GADL1: variants seen among roughly 807,000 people sequenced by gnomAD.
GADL1 encodes the protein acidic amino acid decarboxylase GADL1.
In GADL1, 71 loss-of-function variants were observed where a neutral mutation model predicts 69.5. The observed-to-expected ratio is 1.02, with a 90% CI of 0.84 to 1.25. GADL1 has a LOEUF of 1.25. GADL1 is among the 50% of genes most tolerant of loss of function. GADL1 has a pLI of 0.00. For missense variants in GADL1, 737 were observed against 631.8 expected (o/e 1.17, Z -1.79); for synonymous variants, 254 against 214.4 (o/e 1.18, Z -1.62).
chr3:30,789,346 G>A (rs1409897126), intron 12 of GADL1, among the ~76,000 whole-genome samples: 1 of 152,180 alleles, frequency 6.6e-6, no homozygotes, highest in African/African-American at 2.4e-5. Context: ...TCAACAGTGG[G>A]CTTCAAATAT....
intron 11 of GADL1, among the ~76,000 whole-genome samples, chr3:30,824,076 A>T (rs1368412725): frequency 6.6e-6 from 1 of 151,884 alleles, no homozygotes; most frequent in Non-Finnish European, 1.5e-5. Context: ...AAACGTATCA[A>T]TCTACAGATT....
Position 30,786,659 on chromosome 3 carries a change from G to A in GADL1, c.1251-253C>T, listed in dbSNP as rs143365295. The stretch of plus-strand genomic sequence containing the variant: ...TAGCATCAGGCTTTAACCCTGGTGT[G>A]AAAAGCCAGATAAAGCAGGCTGGAT... On this transcript the variant is annotated intron_variant, in intron 12 of 14. Transcript: ENST00000282538. Among the ~76,000 whole-genome samples the A allele has an allele frequency of 7.9e-3, 1,199 of 152,322 alleles. 11 individuals are homozygous for A. Among genetic ancestry groups the A allele is most frequent in the African/African-American group, 0.028 (1,152 of 41,580 alleles).
At chr3:30,862,505 A>G (rs997020101) in intron 1 of GADL1, among the ~76,000 whole-genome samples, 4 of 152,042 alleles carry the variant, frequency 2.6e-5, no homozygotes, top group Non-Finnish European at 5.9e-5. Context: ...TTCCTTGTAC[A>G]AAGTCCTTTA....
Position 30,754,462 on chromosome 3 carries a change from A to T in GADL1, c.1392+23717T>A, listed in dbSNP as rs566201687. Among the ~76,000 whole-genome samples the T allele has an allele frequency of 4.6e-5, 7 of 151,326 alleles. No homozygotes were observed. The East Asian group carries it at 1.4e-3, about 30-fold the overall frequency. ...GGGATATAGAAAAAAGCCTCATAGG[A>T]ATGCCAATGACGGACTCTCGAATCT... On this transcript the variant is annotated intron_variant, in intron 14 of 14. Transcript: ENST00000282538.
chr3:30,730,506 CAGAT>C (rs1372536719), intron 14 of GADL1, among the ~76,000 whole-genome samples: 2 of 152,074 alleles, frequency 1.3e-5, no homozygotes, highest in African/African-American at 4.8e-5. Context: ...CTGCATAAGA[CAGAT>C]GATTCCTGAA....
chr3:30,892,815 T>A (rs529366725), intron 1 of GADL1, among the ~76,000 whole-genome samples: 1 of 152,206 alleles, frequency 6.6e-6, no homozygotes, highest in Non-Finnish European at 1.5e-5. Context: ...TCCTAAATAA[T>A]CTATACTTTT....
intron 12 of GADL1, chr3:30,800,357 T>A (rs1697134491): frequency 6.2e-6 from 1 of 160,126 alleles, no homozygotes; most frequent in Admixed American, 6.1e-5. Context: ...TCACTATCAG[T>A]GCAGTATGGG....
rs146754952 is a variant in GADL1 at position 30,886,133 on chromosome 3, T to C, written c.37+8445A>G. On this transcript the variant is annotated intron_variant, in intron 1 of 14. Coordinates refer to ENST00000282538, the MANE Select transcript of GADL1 (RefSeq NM_207359.3). Reference sequence around the variant, plus strand: ...TGAAAATTACTAATATTTGAACTAATTGGTAAATGACAACATCAATTTTTA... The same window carrying C: ...TGAAAATTACTAATATTTGAACTAACTGGTAAATGACAACATCAATTTTTA... Among the ~76,000 whole-genome samples, 25 of 152,282 alleles carry C rather than the reference T, an allele frequency of 1.6e-4. No individual in the cohort carries two copies. The East Asian group carries it at 3.7e-3, about 22-fold the overall frequency.
chr3:30,868,926 C>A (rs1361177697), intron 1 of GADL1, among the ~76,000 whole-genome samples: 5 of 151,802 alleles, frequency 3.3e-5, no homozygotes, highest in African/African-American at 1.2e-4. Context: ...TGCAAAGACG[C>A]TGGGGACCAA....
At chr3:30,780,334 G>A (rs1412950388) in intron 13 of GADL1, among the ~76,000 whole-genome samples, 2 of 152,106 alleles carry the variant, frequency 1.3e-5, no homozygotes, top group Non-Finnish European at 2.9e-5. Flanking sequence ...ATGAGCCAAG[G>A]TCATACTCTC....
intron 1 of GADL1, among the ~76,000 whole-genome samples, chr3:30,863,664 A>T (rs1698355088): frequency 6.6e-6 from 1 of 151,984 alleles, no homozygotes; most frequent in Non-Finnish European, 1.5e-5. Flanking sequence ...TGTACCTCAC[A>T]CAGTATCTTC....
intron 9 of GADL1, among the ~76,000 whole-genome samples, chr3:30,838,435 G>GT (rs1291040977): frequency 6.6e-6 from 1 of 152,070 alleles, no homozygotes; most frequent in African/African-American, 2.4e-5. Flanking sequence ...AAATAATGGA[G>GT]TATATTATCC....
chr3:30,845,350 G>A (rs889416861), intron 6 of GADL1, among the ~76,000 whole-genome samples: 1 of 152,108 alleles, frequency 6.6e-6, no homozygotes, highest in African/African-American at 2.4e-5. Context: ...AGTGAGGACA[G>A]GTGGTCAATT....
intron 14 of GADL1, among the ~76,000 whole-genome samples, chr3:30,761,888 G>T (rs1311788310): frequency 6.6e-6 from 1 of 152,022 alleles, no homozygotes; most frequent in Non-Finnish European, 1.5e-5. Flanking sequence ...CATTTCACAG[G>T]ATATATAATA....
At chr3:30,814,751 A>C (rs2125514461) in intron 11 of GADL1, among the ~76,000 whole-genome samples, 1 of 152,060 alleles carries the variant, frequency 6.6e-6, no homozygotes, top group East Asian at 1.9e-4. Context: ...TAAAAAAAAG[A>C]ATAAGAGTTC....
Position 30,861,596 on chromosome 3 carries a change from C to T in GADL1, c.207G>A (p.Glu69=). 4 of 1,541,704 alleles carry T rather than the reference C, an allele frequency of 2.6e-6. No homozygotes were observed. The highest frequency in any genetic ancestry group is 3.5e-6 in the Non-Finnish European group (4 of 1,142,942). ...TCTTACAGGTTTTAATTTTTACCTT[C>T]TCATTGACATCTGTAGCTTTCAAAA... The part of the protein sequence containing the change: ...EVVLKATDVN[E]KVCEWRPPEQ... The change falls in exon 2 of 15, where the codon GAG becomes GAA. Residue 69 remains glutamate, a synonymous_variant. Coordinates refer to ENST00000282538, the MANE Select transcript of GADL1 (RefSeq NM_207359.3).
chr3:30,815,945 G>A (rs1269405252), intron 11 of GADL1, among the ~76,000 whole-genome samples: 1 of 152,144 alleles, frequency 6.6e-6, no homozygotes, highest in East Asian at 1.9e-4. Context: ...CCGTGAGCAT[G>A]TTATTTATGC....
intron 11 of GADL1, among the ~76,000 whole-genome samples, chr3:30,822,886 A>C (rs1191347859): frequency 6.6e-6 from 1 of 152,022 alleles, no homozygotes; most frequent in East Asian, 1.9e-4. Flanking sequence ...AGCATGTCTT[A>C]TTCACTGAAT....
intron 12 of GADL1, among the ~76,000 whole-genome samples, chr3:30,789,504 C>A (rs1018819503): frequency 2.6e-5 from 4 of 152,168 alleles, no homozygotes; most frequent in African/African-American, 9.7e-5. Flanking sequence ...TCACCAGCTG[C>A]ATTAGCTCCT....
Sources: gnomAD v4.1 joint callset for allele counts (sites outside exome capture counted in the v4.1 genomes callset) on GRCh38, gnomAD v4.1.1 for gene constraint, MANE v1.5 for transcripts, NCBI Gene and HGNC (gene_info 2026-07-23, HGNC 2026-07-21) for gene names.